VPS13D: variants seen among roughly 807,000 people sequenced by gnomAD.
VPS13D encodes vacuolar protein sorting 13 homolog D, also known as intermembrane lipid transfer protein VPS13D.
Under a neutral mutation model 461.9 loss-of-function variants are expected in VPS13D, and 187 were observed. That is an observed-to-expected ratio of 0.40 (90% confidence interval 0.36 to 0.46). VPS13D has a LOEUF of 0.46. Among genes scored for constraint, VPS13D ranks in the 20% least tolerant of loss-of-function variants. The pLI is 0.60. For synonymous variants in VPS13D, 1,951 were observed against 1,986.3 expected, an observed-to-expected ratio of 0.98 and a Z score of 0.47; for missense variants, 4,711 against 5,364.9, an observed-to-expected ratio of 0.88 and a Z score of 3.81.
chr1:12,238,300 T>C (rs1640230808), intron 2 of VPS13D, among the ~76,000 whole-genome samples: 1 of 137,806 alleles, frequency 7.3e-6, no homozygotes, highest in Non-Finnish European at 1.5e-5. Context: ...CATACAGGCA[T>C]GGTGGCACAT....
At position 12,338,237 on chromosome 1, in the gene VPS13D, C is replaced by T. The variant is rs765261136; in HGVS notation, c.8558C>T (p.Pro2853Leu). 6.2e-7 allele frequency: 1 copy of T among 1,613,512 alleles called. No homozygotes were observed. The highest frequency in any genetic ancestry group is 1.7e-5 in the Admixed American group (1 of 60,016). ...TGTCTCTCCTGTCTACCAGGCCTCC[C>T]CCTTGTCTACCTTAGAACTAGGAGT... ...VDPPCFGQSL[P>L]LVYLRTRSTA... is the part of the protein sequence containing the mutation. Residue 2853 changes from proline (P) to leucine (L), a missense_variant, in exon 40 of 70, where the codon CCC becomes CTC. Coordinates refer to ENST00000620676, the MANE Select transcript of VPS13D (RefSeq NM_015378.4).
At chr1:12,308,945 A>C (rs1642651120) in intron 27 of VPS13D, among the ~76,000 whole-genome samples, 1 of 152,112 alleles carries the variant, frequency 6.6e-6, no homozygotes, top group Non-Finnish European at 1.5e-5. Context: ...ATGCCCAGCC[A>C]ATGTTTTATA....
intron 66 of VPS13D, among the ~76,000 whole-genome samples, 189 bp downstream of exon 66, chr1:12,456,319 C>G (rs1645326987): frequency 6.6e-6 from 1 of 151,668 alleles, no homozygotes; most frequent in African/African-American, 2.4e-5. Context: ...CTGGCCAACA[C>G]AGTGAAACCC....
chr1:12,503,083 G>A (rs1646056143), intron 68 of VPS13D, among the ~76,000 whole-genome samples: 2 of 152,314 alleles, frequency 1.3e-5, no homozygotes, highest in South Asian at 4.1e-4. Flanking sequence ...GCCTGAGGCT[G>A]CTGTTGATGC....
At position 12,444,153 on chromosome 1, in the gene VPS13D, T is replaced by C. The variant is rs541420680; in HGVS notation, c.12334-11845T>C. On this transcript the variant is annotated intron_variant, in intron 65 of 69. Transcript: ENST00000620676. Reference sequence around the variant, plus strand: ...ACCGTGCCCAGCTTCAGAAAACATCTTTCTTTCACCTATATTTTTGAAAGA... The same window carrying C: ...ACCGTGCCCAGCTTCAGAAAACATCCTTCTTTCACCTATATTTTTGAAAGA... 6.6e-4 allele frequency among the ~76,000 whole-genome samples: 100 copies of C among 152,360 alleles called. 1 individual carries two copies. The Middle Eastern group carries it at 0.01, about 16-fold the overall frequency.
At chr1:12,318,458 CT>C in intron 31 of VPS13D, 121 bp downstream of exon 31, 1 of 1,270,732 alleles carries the variant, frequency 7.9e-7, no homozygotes, top group Non-Finnish European at 1.1e-6. Flanking sequence ...ACATTTGCCT[CT>C]TTTACAGACC....
intron 10 of VPS13D, 57 bp from the exon 11 acceptor site, chr1:12,260,636 C>G (rs945632986): frequency 4.1e-6 from 6 of 1,479,092 alleles, no homozygotes; most frequent in Non-Finnish European, 5.6e-6. Context: ...TGTCCAGTGT[C>G]TCTGGATCTA....
chr1:12,446,793 C>A (rs761183403), intron 65 of VPS13D, among the ~76,000 whole-genome samples: 1 of 152,214 alleles, frequency 6.6e-6, no homozygotes, highest in Non-Finnish European at 1.5e-5. Flanking sequence ...GGCAGCACCT[C>A]TTGAAATCAC....
intron 60 of VPS13D, among the ~76,000 whole-genome samples, chr1:12,393,525 C>T (rs1306846526): frequency 6.6e-6 from 1 of 152,170 alleles, no homozygotes; most frequent in Non-Finnish European, 1.5e-5. Flanking sequence ...TTGGAGTCAC[C>T]ATTTGGTTAA....
chr1:12,256,402 C>G lies in VPS13D; in HGVS notation c.739C>G (p.Leu247Val). 6.2e-7 allele frequency: 1 copy of G among 1,614,122 alleles called. No individual in the cohort carries two copies. Among genetic ancestry groups the G allele is most frequent in the Non-Finnish European group, 8.5e-7 (1 of 1,180,006 alleles). The change falls in exon 8 of 70, where the codon CTT becomes GTT. Residue 247 changes from leucine to valine, a missense_variant. By Grantham distance (32) the Leu-to-Val change is conservative. Transcript: ENST00000620676. ...CCTGGAGCCTGTGTTTGCATCTGCT[C>G]TTTTGAAGAGAAACTGCTCCAAGAA... ...YVLEPVFASA[L>V]LKRNCSKKPL...
At position 12,385,237 on chromosome 1, in the gene VPS13D, TGTG is replaced by T; in HGVS notation, c.11371-19_11371-17del. The T allele has an allele frequency of 1.9e-6, 3 of 1,584,148 alleles. No individual in the cohort carries two copies. Among genetic ancestry groups the T allele is most frequent in the Non-Finnish European group, 2.6e-6 (3 of 1,153,498 alleles). On this transcript the variant is annotated intron_variant, in intron 58 of 69. Coordinates refer to ENST00000620676, the MANE Select transcript of VPS13D (RefSeq NM_015378.4). Reference sequence around the variant, plus strand: ...AATAAGGAAGAGTGAATCATCTTCTTGTGGTGTTTTATTTGACTTCAGATAACA... The same window carrying T: ...AATAAGGAAGAGTGAATCATCTTCTTGTGTTTTATTTGACTTCAGATAACA...
At chr1:12,404,644 A>C (rs901745115) in intron 63 of VPS13D, among the ~76,000 whole-genome samples, 1 of 152,178 alleles carries the variant, frequency 6.6e-6, no homozygotes, top group African/African-American at 2.4e-5. Flanking sequence ...GTCTGACTCT[A>C]AAGTCTATTT....
intron 59 of VPS13D, 91 bp from the exon 60 acceptor site, chr1:12,386,094 G>A: frequency 7.1e-7 from 1 of 1,412,632 alleles, no homozygotes; most frequent in Non-Finnish European, 9.5e-7. Context: ...GGGAGTAGAG[G>A]AATGTAAAAT....
At chr1:12,443,102 T>C (rs550494532) in intron 65 of VPS13D, among the ~76,000 whole-genome samples, 1 of 152,260 alleles carries the variant, frequency 6.6e-6, no homozygotes, top group African/African-American at 2.4e-5. Context: ...GACATCTTCT[T>C]CCTTCACTTT....
chr1:12,439,161 A>G (rs1269210321), intron 65 of VPS13D, among the ~76,000 whole-genome samples: 2 of 151,994 alleles, frequency 1.3e-5, no homozygotes, highest in Non-Finnish European at 2.9e-5. Flanking sequence ...CCACATAGAA[A>G]ATTCCAGCTT....
At chr1:12,398,055 G>A (rs919073244) in intron 60 of VPS13D, among the ~76,000 whole-genome samples, 1 of 152,212 alleles carries the variant, frequency 6.6e-6, no homozygotes, top group Non-Finnish European at 1.5e-5. Flanking sequence ...ACTGAATAGT[G>A]TAAAGGAAGG....
chr1:12,248,229 T>A (rs1640621854), intron 5 of VPS13D, among the ~76,000 whole-genome samples: 1 of 152,284 alleles, frequency 6.6e-6, no homozygotes, highest in East Asian at 1.9e-4. Flanking sequence ...CTTTTTATTG[T>A]TGAGTTATAA....
At chr1:12,469,906 C>G (rs1441453338) in intron 67 of VPS13D, among the ~76,000 whole-genome samples, 1 of 152,158 alleles carries the variant, frequency 6.6e-6, no homozygotes, top group East Asian at 1.9e-4. Context: ...TTTGCACTGC[C>G]CTGACTCTTG....
At position 12,358,559 on chromosome 1, in the gene VPS13D, G is replaced by A. The variant is rs2101607256; in HGVS notation, c.10099G>A (p.Val3367Ile). 5 of 1,614,166 alleles carry A rather than the reference G, an allele frequency of 3.1e-6. No homozygotes were observed. The East Asian group carries it at 6.7e-5, about 22-fold the overall frequency. Residue 3367 changes from valine (V) to isoleucine (I), a missense_variant, in exon 50 of 70, where the codon GTC (valine) becomes ATC (isoleucine). Physicochemically the swap from Val to Ile is conservative, Grantham distance 29. This residue lies in a region of VPS13D where 4,411 missense variants were observed against 4,937.8 expected (regional missense o/e 0.89). Coordinates refer to ENST00000620676, the MANE Select transcript of VPS13D (RefSeq NM_015378.4). The stretch of plus-strand genomic sequence containing the variant: ...TGGTAGTGGTGTCCGAGCTTTGAAA[G>A]TCATCCAGCAAGGAAACCGCCCAGG... ...DGGSGVRALK[V>I]IQQGNRPGLI...
Sources: allele counts gnomAD v4.1 joint callset (sites outside exome capture counted in the v4.1 genomes callset), GRCh38; gene constraint gnomAD v4.1.1; regional missense constraint gnomAD v4.1.1; transcripts MANE v1.5; gene names NCBI Gene and HGNC (gene_info 2026-07-23, HGNC 2026-07-21).